MCM4: variants seen among roughly 807,000 people sequenced by gnomAD.
The protein encoded by MCM4 is minichromosome maintenance complex component 4, also known as DNA replication licensing factor MCM4.
A neutral mutation model predicts 88.7 loss-of-function variants in MCM4; 60 were observed. The observed-to-expected ratio is 0.68, with a 90% confidence interval of 0.55 to 0.84. The LOEUF (loss-of-function observed/expected upper bound fraction) is 0.84, where lower values mean the gene tolerates loss of function less well. MCM4 is among the 40% of genes least tolerant of loss of function. The pLI is 0.00. For synonymous variants in MCM4, 465 were observed against 410.5 expected (o/e 1.13, Z -1.61); for missense variants, 1,149 against 1,105.5 (o/e 1.04, Z -0.56).
chr8:47,962,482 G>C (rs1437050889), intron 5 of MCM4, 76 bp downstream of exon 5: 7 of 1,462,606 alleles, frequency 4.8e-6, no homozygotes, highest in South Asian at 1.2e-5. Flanking sequence ...CTATATCTAA[G>C]TAGCCATAAT....
rs373114613 is a variant in MCM4, at chr8:47,964,637, A to G, written c.757A>G (p.Ile253Val). ...EIFFDRYPDSILEHQIQVRPF... is the reference protein window; with the variant it reads ...EIFFDRYPDSVLEHQIQVRPF... ...CTTCTTTGACCGTTACCCTGACTCA[A>G]TCTTAGAACATCAGATTCAAGTAAG... Residue 253 changes from isoleucine (I) to valine (V), a missense_variant, in exon 8 of 17, where the codon ATC becomes GTC. This residue lies in a region of MCM4 where 906 missense variants were observed against 843.0 expected (regional missense o/e 1.07). Coordinates refer to ENST00000649973, the MANE Select transcript of MCM4 (RefSeq NM_182746.3). The G allele has an allele frequency of 3.7e-6, 6 of 1,607,846 alleles. No homozygotes were observed. In the African/African-American group the frequency reaches 5.4e-5, roughly 14 times the overall value.
intron 14 of MCM4, 99 bp from the exon 15 acceptor site, chr8:47,974,635 G>T: frequency 1.1e-6 from 1 of 902,012 alleles, no homozygotes; most frequent in Non-Finnish European, 1.8e-6. Flanking sequence ...TCTGAGTTCC[G>T]TTTACTTAAT....
intron 14 of MCM4, chr8:47,974,321 C>T (rs1004880084): frequency 1.5e-4 from 26 of 169,194 alleles, no homozygotes; most frequent in Admixed American, 5.7e-5. Context: ...CCCAGCAATC[C>T]TTATGAGCCC....
intron 5 of MCM4, among the ~76,000 whole-genome samples, 165 bp downstream of exon 5, chr8:47,962,571 G>A (rs575912043): frequency 7.2e-5 from 11 of 152,226 alleles, no homozygotes; most frequent in East Asian, 5.8e-4. Flanking sequence ...ATCACTTGAG[G>A]CCAGGAGTTT....
chr8:47,969,937 GA>G lies in MCM4; in HGVS notation c.1317del (p.Lys439AsnfsTer38). ...ATGGCCTTGATGAAGAAGCAGAACA[GA>G]AACTTTTTTCAGAGAAACGTGTGGA... Reference protein sequence around the residue: ...LHGLDEEAEQKLFSEKRVELL... With the variant: ...LHGLDEEAEQXLFSEKRVELL... On this transcript the variant is annotated frameshift_variant, in exon 11 of 17. Coordinates refer to ENST00000649973, the MANE Select transcript of MCM4 (RefSeq NM_182746.3). LOFTEE classifies it high-confidence loss of function. The G allele has an allele frequency of 6.2e-7, 1 of 1,614,220 alleles. No individual in the cohort carries two copies. Among genetic ancestry groups the G allele is most frequent in the Non-Finnish European group, 8.5e-7 (1 of 1,180,040 alleles).
At chr8:47,961,045 G>A (rs2090818669) in intron 1 of MCM4, 31 bp downstream of exon 1, 3 of 1,298,422 alleles carry the variant, frequency 2.3e-6, no homozygotes, top group Non-Finnish European at 2.0e-6. Context: ...AGGGCGTGGC[G>A]CGGAGCCGAC....
chr8:47,976,857 C>T lies in MCM4; in HGVS notation c.*79C>T, dbSNP rs772085764. The T allele has an allele frequency of 1.3e-5, 12 of 912,958 alleles. No homozygotes were observed. Among genetic ancestry groups the T allele is most frequent in the Admixed American group, 3.6e-5 (2 of 55,668 alleles). The allele number at this position is 912,958 out of a possible 1,614,324, so 56.6% of individuals were successfully genotyped here. A position where few individuals can be genotyped will look rare whatever the true frequency, so the allele number is the denominator to read the frequency against. ...GGGTGTGGTCTGCATCTCAGTTGGC[C>T]GCCATCAGTGTAAATAGAGCTTAAA... On this transcript the variant is annotated 3_prime_UTR_variant, in exon 17 of 17. Coordinates refer to ENST00000649973, the MANE Select transcript of MCM4 (RefSeq NM_182746.3).
chr8:47,961,898 T>A (rs919345084), intron 3 of MCM4, 155 bp from the exon 4 acceptor site: 77 of 904,988 alleles, frequency 8.5e-5, no homozygotes, highest in Non-Finnish European at 6.9e-5. Flanking sequence ...TGCTTTTTTT[T>A]AATAGAACAT....
At chr8:47,971,011 T>G in intron 12 of MCM4, 135 bp downstream of exon 12, 1 of 1,095,122 alleles carries the variant, frequency 9.1e-7, no homozygotes, top group Non-Finnish European at 1.3e-6. Flanking sequence ...CACATCATAT[T>G]TCAGCTAAAT....
rs550959456 is a variant in MCM4 at position 47,968,077 on chromosome 8, G to A, written c.1174+592G>A. ...GTCTCCTTCTCTTGCTGCCACAAGAGTGCTCTTTGCACAGCACCATATGAG... is the reference window on the plus strand; with the variant it reads ...GTCTCCTTCTCTTGCTGCCACAAGAATGCTCTTTGCACAGCACCATATGAG... On this transcript the variant is annotated intron_variant, in intron 10 of 16. Coordinates refer to ENST00000649973, the MANE Select transcript of MCM4 (RefSeq NM_182746.3). Among the ~76,000 whole-genome samples, 40 of 152,302 alleles carry A rather than the reference G, an allele frequency of 2.6e-4. No homozygotes were observed. In the South Asian group the frequency reaches 8.1e-3, roughly 31 times the overall value.
intron 9 of MCM4, 38 bp from the exon 10 acceptor site, chr8:47,967,327 C>G (rs573793460): frequency 1.2e-6 from 2 of 1,612,964 alleles, no homozygotes; most frequent in Non-Finnish European, 1.7e-6. Context: ...CCTGCCCTCT[C>G]TTTGTGGCCC....
chr8:47,965,846 A>G (rs2090893483), intron 8 of MCM4, among the ~76,000 whole-genome samples: 1 of 152,208 alleles, frequency 6.6e-6, no homozygotes, highest in Non-Finnish European at 1.5e-5. Context: ...CAAAATGTAC[A>G]CAGAAAGGCT....
At chr8:47,975,295 CATT>C (rs2090991864) in intron 15 of MCM4, 1 of 214,410 alleles carries the variant, frequency 4.7e-6, no homozygotes, top group Admixed American at 5.3e-5. Context: ...CGTCATTTAA[CATT>C]ACGTGTATCT....
At chr8:47,973,488 ACTTTT>A (rs1162671473) in intron 14 of MCM4, among the ~76,000 whole-genome samples, 2 of 142,542 alleles carry the variant, frequency 1.4e-5, no homozygotes, top group African/African-American at 2.6e-5. Context: ...AGAATAATAA[ACTTTT>A]CTTTTTTTTT....
chr8:47,971,015 G>A (rs141960443), intron 12 of MCM4, 139 bp downstream of exon 12: 1 of 1,077,022 alleles, frequency 9.3e-7, no homozygotes, highest in East Asian at 2.5e-5. Context: ...TCATATTTCA[G>A]CTAAATCTCA....
chr8:47,966,344 C>A lies in MCM4; in HGVS notation c.990C>A (p.Arg330=). The change falls in exon 9 of 17, where the codon CGC becomes CGA. Residue 330 remains arginine, a synonymous_variant. Transcript: ENST00000649973. ...TTGCAGAGCCCAGTGTGTGCGGGCG[C>A]TGCCACACCACCCACAGCATGGCAC... The part of the protein sequence containing the change: ...GRIAEPSVCG[R]CHTTHSMALI... 1 of 1,613,970 alleles carries A rather than the reference C, an allele frequency of 6.2e-7. No individual in the cohort carries two copies. Among genetic ancestry groups the A allele is most frequent in the East Asian group, 2.2e-5 (1 of 44,870 alleles).
chr8:47,973,007 C>T lies in MCM4; in HGVS notation c.2079C>T (p.Tyr693=), dbSNP rs541406887. 107 of 1,614,110 alleles carry T rather than the reference C, an allele frequency of 6.6e-5. No individual in the cohort carries two copies. Among genetic ancestry groups the T allele is most frequent in the Admixed American group, 2.5e-4 (15 of 60,010 alleles). The change falls in exon 14 of 17, where the codon TAC becomes TAT. Residue 693 remains tyrosine (Y), a synonymous_variant. Transcript: ENST00000649973. The part of the protein sequence containing the change: ...DMAVLKDYIA[Y]AHSTIMPRLS... ...CGGTGCTAAAGGACTACATTGCCTA[C>T]GCGCACAGCACCATCATGCCGCGGC...
At position 47,962,404 on chromosome 8, in the gene MCM4, C is replaced by G; in HGVS notation, c.499C>G (p.Gln167Glu). 6.2e-7 allele frequency: 1 copy of G among 1,614,078 alleles called. No individual in the cohort carries two copies. Among genetic ancestry groups the G allele is most frequent in the Non-Finnish European group, 8.5e-7 (1 of 1,179,948 alleles). The change falls in exon 5 of 17, where the codon CAG becomes GAG. Residue 167 changes from glutamine to glutamate, a missense_variant and splice_region_variant. Physicochemically the swap from Gln to Glu is conservative, Grantham distance 29 (BLOSUM62 2). Coordinates refer to ENST00000649973, the MANE Select transcript of MCM4 (RefSeq NM_182746.3). ...TGTGGCAGCATGCAAAGAAAACTTTCAGGTGAGCTACATGTATTAAAATTC... is the reference window on the plus strand; with the variant it reads ...TGTGGCAGCATGCAAAGAAAACTTTGAGGTGAGCTACATGTATTAAAATTC... ...VNVAACKENF[Q>E]RFLQRFIDPL...
intron 16 of MCM4, 105 bp downstream of exon 16, chr8:47,975,953 A>AATG: frequency 1.2e-6 from 1 of 852,448 alleles, no homozygotes; most frequent in Non-Finnish European, 1.6e-6. Context: ...TATAGAGAAG[A>AATG]ATGAAGAAAA....
Sources: allele counts gnomAD v4.1 joint callset (sites outside exome capture counted in the v4.1 genomes callset), GRCh38; gene constraint gnomAD v4.1.1; regional missense constraint gnomAD v4.1.1; transcripts MANE v1.5; gene names NCBI Gene and HGNC (gene_info 2026-07-23, HGNC 2026-07-21).